Variants in INPP4B observed in about 807,000 individuals in gnomAD.
The protein encoded by INPP4B is inositol polyphosphate-4-phosphatase type II B.
A neutral mutation model predicts 122.5 loss-of-function variants in INPP4B; 55 were observed. The ratio of observed to expected loss-of-function variants is 0.45; its 90% CI spans 0.36 to 0.56. The LOEUF is 0.56. INPP4B is among the 20% of genes least tolerant of loss of function. The pLI, the probability that INPP4B is intolerant of heterozygous loss-of-function variation, is 0.00. For missense variants in INPP4B, 1,000 were observed against 1,097.7 expected, an observed-to-expected ratio of 0.91 and a Z score of 1.26; for synonymous variants, 403 against 388.7, an observed-to-expected ratio of 1.04 and a Z score of -0.43.
At chr4:142,699,554 C>A (rs1327853108) in intron 2 of INPP4B, among the ~76,000 whole-genome samples, 1 of 152,120 alleles carries the variant, frequency 6.6e-6, no homozygotes, top group Non-Finnish European at 1.5e-5. Flanking sequence ...GCCAGCGTTG[C>A]TTTATATCCA....
chr4:142,608,752 C>T (rs558197866), intron 2 of INPP4B, among the ~76,000 whole-genome samples: 2 of 152,148 alleles, frequency 1.3e-5, no homozygotes, highest in African/African-American at 2.4e-5. Context: ...GAGTCTGCTG[C>T]CTTTGACAAC....
chr4:142,210,854 C>T (rs1430639707), intron 12 of INPP4B, among the ~76,000 whole-genome samples: 2 of 152,146 alleles, frequency 1.3e-5, no homozygotes, highest in Admixed American at 6.5e-5. Flanking sequence ...AGTGAAGCCC[C>T]TGACCACATT....
At chr4:142,825,921 G>A (rs946337080) in intron 1 of INPP4B, among the ~76,000 whole-genome samples, 1 of 152,096 alleles carries the variant, frequency 6.6e-6, no homozygotes, top group Non-Finnish European at 1.5e-5. Flanking sequence ...TAAGCTAGAA[G>A]AGATCTCAAT....
At chr4:142,220,645 G>T (rs1170926676) in intron 12 of INPP4B, among the ~76,000 whole-genome samples, 1 of 152,166 alleles carries the variant, frequency 6.6e-6, no homozygotes, top group Non-Finnish European at 1.5e-5. Flanking sequence ...TAGCTTTGGA[G>T]CCTGTTTTAG....
chr4:142,683,008 T>C (rs1328512928), intron 2 of INPP4B, among the ~76,000 whole-genome samples: 2 of 151,892 alleles, frequency 1.3e-5, no homozygotes, highest in Non-Finnish European at 2.9e-5. Context: ...TCTCTTAGTA[T>C]TTGAGATAGA....
intron 1 of INPP4B, among the ~76,000 whole-genome samples, chr4:142,806,413 A>G (rs1318639614): frequency 6.6e-6 from 1 of 151,758 alleles, no homozygotes; most frequent in African/African-American, 2.4e-5. Flanking sequence ...AAAAAGAAAC[A>G]CCTTTCTCTA....
In INPP4B at chr4:142,094,110, T is replaced by C. The variant is rs982738674; in HGVS notation, c.2375-7854A>G. Among the ~76,000 whole-genome samples, 2 of 152,262 alleles carry C rather than the reference T, an allele frequency of 1.3e-5. 1 individual carries two copies. Among genetic ancestry groups the C allele is most frequent in the Non-Finnish European group, 2.9e-5 (2 of 68,016 alleles). On this transcript the variant is annotated intron_variant, in intron 23 of 25. Coordinates refer to ENST00000262992, the MANE Select transcript of INPP4B (RefSeq NM_001101669.3). ...AGAATTTCCAAACAATTTAAAGTCATGTCAAAAAATCTAAAGATGATTTGT... is the reference window on the plus strand; with the variant it reads ...AGAATTTCCAAACAATTTAAAGTCACGTCAAAAAATCTAAAGATGATTTGT...
intron 3 of INPP4B, among the ~76,000 whole-genome samples, chr4:142,446,000 A>G (rs2149474657): frequency 6.6e-6 from 1 of 152,210 alleles, no homozygotes; most frequent in East Asian, 1.9e-4. Context: ...AAATCACTAA[A>G]CTATATATCA....
chr4:142,244,951 T>C (rs1723109449), intron 11 of INPP4B, among the ~76,000 whole-genome samples: 1 of 152,244 alleles, frequency 6.6e-6, no homozygotes, highest in Non-Finnish European at 1.5e-5. Flanking sequence ...CATTGTGATT[T>C]TGATTTACAT....
chr4:142,619,393 A>C (rs1744400618), intron 2 of INPP4B, among the ~76,000 whole-genome samples: 1 of 152,104 alleles, frequency 6.6e-6, no homozygotes, highest in Non-Finnish European at 1.5e-5. Context: ...ATACAATGGA[A>C]TATGATTCAG....
chr4:142,647,974 TC>T (rs1377906554), intron 2 of INPP4B, among the ~76,000 whole-genome samples: 1 of 152,228 alleles, frequency 6.6e-6, no homozygotes, highest in African/African-American at 2.4e-5. Flanking sequence ...TCGTTCTCTT[TC>T]TCTTTTCCTC....
chr4:142,039,386 T>C (rs1745916066), intron 25 of INPP4B, among the ~76,000 whole-genome samples: 1 of 152,282 alleles, frequency 6.6e-6, no homozygotes, highest in Non-Finnish European at 1.5e-5. Context: ...TTTTTATACC[T>C]TTTGTTCCAG....
At chr4:142,418,630 G>A (rs577498456) in intron 5 of INPP4B, among the ~76,000 whole-genome samples, 80 of 152,140 alleles carry the variant, frequency 5.3e-4, no homozygotes, top group African/African-American at 1.8e-3. Context: ...AGCTAAGGGG[G>A]GACAATAAGT....
chr4:142,194,161 T>TA lies in INPP4B; in HGVS notation c.1073-967dup, dbSNP rs1156614377. ...AGATGCATCTAAAATTTTCTTTCAATAAAAAAAGTCTTCAAGTGAAAGATG... is the reference window on the plus strand; with the variant it reads ...AGATGCATCTAAAATTTTCTTTCAATAAAAAAAAGTCTTCAAGTGAAAGATG... On this transcript the variant is annotated intron_variant, in intron 14 of 25. Coordinates refer to ENST00000262992, the MANE Select transcript of INPP4B (RefSeq NM_001101669.3). 4.6e-5 allele frequency among the ~76,000 whole-genome samples: 7 copies of TA among 152,070 alleles called. No individual in the cohort carries two copies. The East Asian group carries it at 1.2e-3, about 25-fold the overall frequency.
chr4:142,325,549 A>C (rs191501026), intron 7 of INPP4B, among the ~76,000 whole-genome samples: 2 of 150,782 alleles, frequency 1.3e-5, no homozygotes, highest in Non-Finnish European at 3.0e-5. Context: ...AGCACACTCT[A>C]CCAAATTATG....
At chr4:142,637,091 G>C (rs1749321272) in intron 2 of INPP4B, among the ~76,000 whole-genome samples, 1 of 151,990 alleles carries the variant, frequency 6.6e-6, no homozygotes, top group Non-Finnish European at 1.5e-5. Context: ...AAAGTACATA[G>C]AGTTCCCATG....
At chr4:142,768,226 A>C (rs2150990885) in intron 1 of INPP4B, among the ~76,000 whole-genome samples, 1 of 152,324 alleles carries the variant, frequency 6.6e-6, no homozygotes, top group Admixed American at 6.5e-5. Context: ...CCAGACACTA[A>C]GTGCTTTATA....
At chr4:142,064,988 T>C (rs1023085249) in intron 25 of INPP4B, among the ~76,000 whole-genome samples, 5 of 152,092 alleles carry the variant, frequency 3.3e-5, no homozygotes, top group African/African-American at 1.2e-4. Flanking sequence ...TTTAAAAAAT[T>C]TAGTATTTTC....
chr4:142,419,959 T>G (rs1019742582), intron 5 of INPP4B, among the ~76,000 whole-genome samples: 4 of 152,032 alleles, frequency 2.6e-5, no homozygotes, highest in African/African-American at 4.8e-5. Flanking sequence ...TACCCCTAAG[T>G]AGCAACAGAT....
Sources: allele counts gnomAD v4.1 joint callset (sites outside exome capture counted in the v4.1 genomes callset), GRCh38; gene constraint gnomAD v4.1.1; transcripts MANE v1.5; gene names NCBI Gene and HGNC (gene_info 2026-07-23, HGNC 2026-07-21).